GPC5: variants seen among roughly 807,000 people sequenced by gnomAD.
The protein encoded by GPC5 is glypican 5.
Under a neutral mutation model 53.9 loss-of-function variants are expected in GPC5, and 47 were observed. The observed-to-expected ratio is 0.87, with a 90% CI of 0.69 to 1.11. The LOEUF (loss-of-function observed/expected upper bound fraction) is 1.11, where lower values mean the gene tolerates loss of function less well. GPC5 is among the 50% of genes most tolerant of loss of function. The pLI, the probability that GPC5 is intolerant of heterozygous loss-of-function variation, is 0.00. For synonymous variants in GPC5, 286 were observed against 263.3 expected (o/e 1.09, Z -0.84); for missense variants, 748 against 713.1 (o/e 1.05, Z -0.56).
chr13:91,825,293 A>G (rs1227539995), intron 5 of GPC5, among the ~76,000 whole-genome samples: 1 of 152,108 alleles, frequency 6.6e-6, no homozygotes, highest in African/African-American at 2.4e-5. Context: ...TACTTTTTGT[A>G]ATGTAAAACT....
chr13:92,628,260 C>CTTTTTTTTTTTTT (rs1286424637), intron 7 of GPC5, among the ~76,000 whole-genome samples: 6 of 37,562 alleles, frequency 1.6e-4, no homozygotes, highest in African/African-American at 4.9e-4. Flanking sequence ...TTTTCTTTTT[C>CTTTTTTTTTTTTT]TTTCTTTTTT....
intron 5 of GPC5, among the ~76,000 whole-genome samples, chr13:91,769,286 G>C (rs2037579781): frequency 6.6e-6 from 1 of 152,242 alleles, no homozygotes; most frequent in African/African-American, 2.4e-5. Flanking sequence ...AAGTCTACTG[G>C]TTTAAGTATT....
At chr13:92,602,231 A>ATAAAATAT (rs1555294283) in intron 7 of GPC5, among the ~76,000 whole-genome samples, 1 of 4,966 alleles carries the variant, frequency 2.0e-4, no homozygotes, top group African/African-American at 2.6e-4. Context: ...ATATATATAT[A>ATAAAATAT]ACATATATAT....
intron 6 of GPC5, among the ~76,000 whole-genome samples, chr13:92,142,531 T>C (rs1029080467): frequency 6.6e-5 from 10 of 152,354 alleles, no homozygotes; most frequent in African/African-American, 1.9e-4. Flanking sequence ...AGAATAAATG[T>C]TTTTTAAGTC....
chr13:92,543,393 C>T (rs184687160), intron 7 of GPC5, among the ~76,000 whole-genome samples: 8 of 150,932 alleles, frequency 5.3e-5, no homozygotes, highest in Admixed American at 2.0e-4. Flanking sequence ...TCTCTTGTGT[C>T]TCAATGAGTT....
intron 2 of GPC5, among the ~76,000 whole-genome samples, chr13:91,515,594 T>C (rs1885456209): frequency 6.6e-6 from 1 of 152,338 alleles, no homozygotes. Flanking sequence ...GTGTTTTCCA[T>C]AAAAATACCT....
intron 2 of GPC5, among the ~76,000 whole-genome samples, chr13:91,635,554 AT>A (rs1275000462): frequency 6.6e-6 from 1 of 152,102 alleles, no homozygotes; most frequent in Non-Finnish European, 1.5e-5. Context: ...TATTCTAGCA[AT>A]TAAAATACTA....
intron 6 of GPC5, among the ~76,000 whole-genome samples, chr13:92,019,412 T>G (rs2040737409): frequency 6.6e-6 from 1 of 152,074 alleles, no homozygotes; most frequent in Non-Finnish European, 1.5e-5. Flanking sequence ...TATGTGAATG[T>G]GTGTGTGTAT....
chr13:91,412,271 C>T (rs993221828), intron 1 of GPC5, among the ~76,000 whole-genome samples: 2 of 152,250 alleles, frequency 1.3e-5, no homozygotes, highest in Admixed American at 1.3e-4. Flanking sequence ...CTCAATCAGC[C>T]TATTTCTGTT....
intron 5 of GPC5, among the ~76,000 whole-genome samples, chr13:91,830,452 GGAT>G (rs1167306099): frequency 6.6e-6 from 1 of 151,864 alleles, no homozygotes; most frequent in Non-Finnish European, 1.5e-5. Context: ...TCAGCTGACA[GGAT>G]TAGGAGATTA....
At chr13:91,468,400 A>G (rs1197731232) in intron 2 of GPC5, among the ~76,000 whole-genome samples, 1 of 152,120 alleles carries the variant, frequency 6.6e-6, no homozygotes, top group African/African-American at 2.4e-5. Context: ...GTCTTTGCAG[A>G]GGTAATCAAG....
chr13:91,799,296 A>G (rs1022803791), intron 5 of GPC5, among the ~76,000 whole-genome samples: 4 of 152,194 alleles, frequency 2.6e-5, no homozygotes, highest in Non-Finnish European at 4.4e-5. Flanking sequence ...ACTCACGGAC[A>G]TAAAGATGGG....
rs71202559 is a variant in GPC5, at chr13:92,748,311, T to TTTATTATTATTATTATTA, written c.1562-117950_1562-117933dup. The stretch of plus-strand genomic sequence containing the variant: ...GGAGAAACTGACATCTGCATTTTAT[T>TTTATTATTATTATTATTA]TTATTATTATTATTATTATTATTAT... On this transcript the variant is annotated intron_variant, in intron 7 of 7. Coordinates refer to ENST00000377067, the MANE Select transcript of GPC5 (RefSeq NM_004466.6). Among the ~76,000 whole-genome samples the TTTATTATTATTATTATTA allele has an allele frequency of 9.3e-4, 132 of 142,344 alleles. 3 individuals are homozygous for TTTATTATTATTATTATTA. Among genetic ancestry groups the TTTATTATTATTATTATTA allele is most frequent in the East Asian group, 2.9e-3 (14 of 4,832 alleles). 93.4% of individuals were successfully genotyped at this position (142,344 alleles called of 152,430 possible).
At chr13:92,810,828 C>T (rs915507568) in intron 7 of GPC5, among the ~76,000 whole-genome samples, 11 of 151,952 alleles carry the variant, frequency 7.2e-5, no homozygotes, top group Admixed American at 6.5e-4. Flanking sequence ...TCAAGTGATT[C>T]TTCTGCCTCA....
At chr13:91,449,944 A>G (rs1881070913) in intron 2 of GPC5, among the ~76,000 whole-genome samples, 1 of 152,136 alleles carries the variant, frequency 6.6e-6, no homozygotes, top group Non-Finnish European at 1.5e-5. Context: ...GCAGAATATA[A>G]CTTCTGTTAG....
rs559870689 is a variant in GPC5 at position 92,266,751 on chromosome 13, G to A, written c.1561+121762G>A. The stretch of plus-strand genomic sequence containing the variant: ...CATTAGCAGAAATAACATTTTTGGC[G>A]TTTTCCCATAAATTAAATGTCATTT... On this transcript the variant is annotated intron_variant, in intron 7 of 7. Coordinates refer to ENST00000377067, the MANE Select transcript of GPC5 (RefSeq NM_004466.6). 2.0e-4 allele frequency among the ~76,000 whole-genome samples: 31 copies of A among 152,152 alleles called. No individual in the cohort carries two copies. In the South Asian group the frequency reaches 2.3e-3, roughly 11 times the overall value.
chr13:91,817,483 TCCC>T (rs1329622845), intron 5 of GPC5, among the ~76,000 whole-genome samples: 1 of 152,190 alleles, frequency 6.6e-6, no homozygotes, highest in East Asian at 1.9e-4. Context: ...GCGAGATCTT[TCCC>T]ATAACAGTCA....
intron 5 of GPC5, among the ~76,000 whole-genome samples, chr13:91,859,584 ATAATTAT>A (rs1322069050): frequency 6.6e-6 from 1 of 151,906 alleles, no homozygotes; most frequent in African/African-American, 2.4e-5. Context: ...ATTGTTCATA[ATAATTAT>A]TATCATTTAA....
At chr13:92,402,144 A>T (rs1875586898) in intron 7 of GPC5, among the ~76,000 whole-genome samples, 1 of 152,170 alleles carries the variant, frequency 6.6e-6, no homozygotes, top group Admixed American at 6.5e-5. Flanking sequence ...GTTTGACTAG[A>T]TATGACTCTA....
Sources: allele counts gnomAD v4.1 joint callset (sites outside exome capture counted in the v4.1 genomes callset), GRCh38; gene constraint gnomAD v4.1.1; transcripts MANE v1.5; gene names NCBI Gene and HGNC (gene_info 2026-07-23, HGNC 2026-07-21).